Variants in PAX2 observed in about 807,000 individuals in gnomAD.
PAX2 encodes paired box protein Pax-2.
A neutral mutation model predicts 41.7 loss-of-function variants in PAX2; 9 were observed. That is an observed-to-expected ratio of 0.22 (90% CI 0.13 to 0.38). The LOEUF (loss-of-function observed/expected upper bound fraction) is 0.38. Among genes scored for constraint, PAX2 ranks in the 10% least tolerant of loss-of-function variants. The probability of loss-of-function intolerance (pLI) is 1.00; values close to 1 mark genes in which losing one functional copy is unlikely to be tolerated. For missense variants in PAX2, 418 were observed against 531.6 expected, an observed-to-expected ratio of 0.79 and a Z score of 2.10; for synonymous variants, 221 against 212.7, an observed-to-expected ratio of 1.04 and a Z score of -0.34.
At position 100,791,954 on chromosome 10, in the gene PAX2, G is replaced by A. The variant is rs1213821241; in HGVS notation, c.616+10589G>A. Among the ~76,000 whole-genome samples the A allele has an allele frequency of 6.6e-6, 1 of 152,212 alleles. No homozygotes were observed. The highest frequency in any genetic ancestry group is 1.5e-5 in the Non-Finnish European group (1 of 68,048). On this transcript the variant is annotated intron_variant, in intron 5 of 9. Coordinates refer to ENST00000355243, the MANE Select transcript of PAX2 (RefSeq NM_000278.5). The surrounding 1 kb of genome is among the most constrained non-coding windows in gnomAD (Gnocchi z 4.5). ...CAGTGTGGGTGGTCTTGGGCAGTGGGTATGTGGTCCAGGCAGCAAAAGGGA... is the reference window on the plus strand; with the variant it reads ...CAGTGTGGGTGGTCTTGGGCAGTGGATATGTGGTCCAGGCAGCAAAAGGGA...
chr10:100,740,366 C>A (rs1159270002), intron 1 of PAX2, among the ~76,000 whole-genome samples: 1 of 152,276 alleles, frequency 6.6e-6, no homozygotes, highest in South Asian at 2.1e-4. Context: ...GGAGGAGTGG[C>A]AGGAGGTATA....
chr10:100,787,930 T>C (rs1846937666), intron 5 of PAX2, among the ~76,000 whole-genome samples: 1 of 151,982 alleles, frequency 6.6e-6, no homozygotes, highest in African/African-American at 2.4e-5. Flanking sequence ...CATGTTCCAC[T>C]CCACAGCTAT....
At chr10:100,803,988 T>C (rs1259453623) in intron 5 of PAX2, among the ~76,000 whole-genome samples, 1 of 152,142 alleles carries the variant, frequency 6.6e-6, no homozygotes, top group Non-Finnish European at 1.5e-5. Context: ...TTGAATTCCA[T>C]AGCGGCTGAA....
intron 5 of PAX2, chr10:100,787,039 G>A (rs1372570519): frequency 1.5e-6 from 2 of 1,290,350 alleles, no homozygotes; most frequent in Admixed American, 1.9e-5. Flanking sequence ...AACATGGCGT[G>A]GGGGTCAAGG....
rs1846218033 is a variant in PAX2 at position 100,771,766 on chromosome 10, C to G, written c.411-7732C>G. Among the ~76,000 whole-genome samples the G allele has an allele frequency of 3.9e-5, 6 of 152,152 alleles. No individual in the cohort carries two copies. In the South Asian group the frequency reaches 1.2e-3, roughly 32 times the overall value. ...AAGACTTGTGTTGAAGCAATAACCACCTGCATTAGCTGGGCAAAATATCCT... is the reference window on the plus strand; with the variant it reads ...AAGACTTGTGTTGAAGCAATAACCAGCTGCATTAGCTGGGCAAAATATCCT... On this transcript the variant is annotated intron_variant, in intron 3 of 9. Transcript: ENST00000355243.
chr10:100,756,177 A>G (rs550835909), intron 3 of PAX2, among the ~76,000 whole-genome samples: 5 of 152,164 alleles, frequency 3.3e-5, no homozygotes, highest in Non-Finnish European at 5.9e-5. Flanking sequence ...ATCACACTCC[A>G]TACCCCCTAA....
At chr10:100,783,378 G>A (rs892056973) in intron 5 of PAX2, among the ~76,000 whole-genome samples, 11 of 152,334 alleles carry the variant, frequency 7.2e-5, no homozygotes, top group African/African-American at 1.4e-4. Flanking sequence ...GTCTGGTGGC[G>A]GGCCACAGGA....
At chr10:100,781,486 C>A in intron 5 of PAX2, 121 bp downstream of exon 5, 5 of 1,049,002 alleles carry the variant, frequency 4.8e-6, no homozygotes, top group Non-Finnish European at 7.4e-6. Flanking sequence ...TAGCAAAGCC[C>A]AGGTCCCCCC....
At chr10:100,805,845 G>A (rs895254426) in intron 5 of PAX2, among the ~76,000 whole-genome samples, 1 of 152,138 alleles carries the variant, frequency 6.6e-6, no homozygotes, top group Non-Finnish European at 1.5e-5. Flanking sequence ...TTTCCCTCTG[G>A]CCTCAGTCCT....
At chr10:100,779,717 G>C in intron 4 of PAX2, 134 bp downstream of exon 4, 1 of 726,154 alleles carries the variant, frequency 1.4e-6, no homozygotes, top group Non-Finnish European at 2.5e-6. Flanking sequence ...TCTCACCTGA[G>C]CTCCTGTCCA....
intron 1 of PAX2, among the ~76,000 whole-genome samples, chr10:100,739,437 A>G (rs898086125): frequency 1.1e-4 from 16 of 152,142 alleles, no homozygotes; most frequent in African/African-American, 3.9e-4. Flanking sequence ...AGGAGGAAGG[A>G]AAGGCGGGCG....
chr10:100,816,095 A>C (rs907950273), intron 7 of PAX2, among the ~76,000 whole-genome samples: 1 of 152,220 alleles, frequency 6.6e-6, no homozygotes, highest in Non-Finnish European at 1.5e-5. Flanking sequence ...AACATGCCAA[A>C]TGGAGTGCTT....
intron 3 of PAX2, among the ~76,000 whole-genome samples, chr10:100,759,202 G>A: frequency 6.6e-6 from 1 of 152,216 alleles, no homozygotes; most frequent in East Asian, 1.9e-4. Flanking sequence ...CCAGGCATCT[G>A]GTAGTACAGG....
At chr10:100,785,586 G>A (rs964936330) in intron 5 of PAX2, among the ~76,000 whole-genome samples, 2 of 152,226 alleles carry the variant, frequency 1.3e-5, no homozygotes, top group African/African-American at 4.8e-5. Flanking sequence ...GCCATAAATG[G>A]AAGAAGCAGT....
chr10:100,810,574 A>G (rs1008207701), intron 7 of PAX2, among the ~76,000 whole-genome samples: 1 of 152,210 alleles, frequency 6.6e-6, no homozygotes, highest in African/African-American at 2.4e-5. Context: ...CTGACCTGCT[A>G]GGTATTCTGA....
Position 100,745,903 on chromosome 10 carries a change from T to A in PAX2, c.-358T>A. ...TCGGATGACCAGGTTCCAGGGGAGC[T>A]GAGCGAGTCGCCTCCCCCGCCCAGC... On this transcript the variant is annotated 5_prime_UTR_variant, in exon 1 of 10. The change abolishes the stop of an existing upstream ORF in the 5' untranslated region. Coordinates refer to ENST00000355243, the MANE Select transcript of PAX2 (RefSeq NM_000278.5). 1 of 1,175,696 alleles carries A rather than the reference T, an allele frequency of 8.5e-7. No individual in the cohort carries two copies. Among genetic ancestry groups the A allele is most frequent in the Non-Finnish European group, 1.1e-6 (1 of 951,176 alleles). The allele number at this position is 1,175,696 out of a possible 1,614,324, so 72.8% of individuals were successfully genotyped here.
chr10:100,769,303 A>G (rs1345401461), intron 3 of PAX2, among the ~76,000 whole-genome samples: 3 of 152,216 alleles, frequency 2.0e-5, no homozygotes, highest in African/African-American at 7.2e-5. Flanking sequence ...GTAAGTGTAT[A>G]TTGGCCCACT....
At chr10:100,741,247 A>G (rs958158364), upstream of PAX2, among the ~76,000 whole-genome samples, 3 of 152,094 alleles carry the variant, frequency 2.0e-5, no homozygotes, top group Admixed American at 2.0e-4. Flanking sequence ...ATTGGGAACA[A>G]AAGCAGGAAA....
intron 5 of PAX2, among the ~76,000 whole-genome samples, chr10:100,797,239 G>C (rs1847370388): frequency 1.3e-5 from 2 of 152,176 alleles, no homozygotes; most frequent in African/African-American, 4.8e-5. Context: ...AATAATAACT[G>C]TGATACGAAG....
Sources: gnomAD v4.1 joint callset for allele counts (sites outside exome capture counted in the v4.1 genomes callset) on GRCh38, gnomAD v4.1.1 for gene constraint, Gnocchi (gnomAD v3.1) non-coding constraint, MANE v1.5 for transcripts, NCBI Gene and HGNC (gene_info 2026-07-23, HGNC 2026-07-21) for gene names.